Variants in ZNF273 observed in about 807,000 individuals in gnomAD.
ZNF273 encodes the protein zinc finger protein 9.
In ZNF273, 11 loss-of-function variants were observed where a neutral mutation model predicts 14.9. The observed-to-expected ratio is 0.74, with a 90% CI of 0.46 to 1.22. The LOEUF is 1.22. ZNF273 is among the 50% of genes most tolerant of loss of function. The pLI is 0.00. For missense variants in ZNF273, 577 were observed against 660.6 expected, an observed-to-expected ratio of 0.87 and a Z score of 1.39; for synonymous variants, 199 against 223.9, an observed-to-expected ratio of 0.89 and a Z score of 0.99.
intron 2 of ZNF273, among the ~76,000 whole-genome samples, chr7:64,878,745 G>T (rs1292773145): frequency 6.6e-6 from 1 of 152,196 alleles, no homozygotes; most frequent in Non-Finnish European, 1.5e-5. Context: ...CATGGCAGTG[G>T]GATGGATGAC....
At chr7:64,899,678 CT>C (rs1792566050), upstream of ZNF273, among the ~76,000 whole-genome samples, 1 of 150,434 alleles carries the variant, frequency 6.6e-6, no homozygotes, top group Non-Finnish European at 1.5e-5. Flanking sequence ...AAAAATATTT[CT>C]ATTAAGTTGT....
At chr7:64,917,551 A>G in intron 1 of ZNF273, 30 bp from the exon 2 acceptor site, 1 of 1,579,886 alleles carries the variant, frequency 6.3e-7, no homozygotes, top group Non-Finnish European at 8.6e-7. Flanking sequence ...CAAGTTGGTA[A>G]ATATGTTTTT....
downstream of ZNF273, chr7:64,880,326 G>T (rs776420850): frequency 4.6e-5 from 7 of 152,184 alleles, no homozygotes; most frequent in Non-Finnish European, 8.8e-5. Context: ...GAGTGGGGGT[G>T]AGTCTCCTTG....
chr7:64,934,490 T>G (rs1363139613), downstream of ZNF273, among the ~76,000 whole-genome samples: 1 of 152,176 alleles, frequency 6.6e-6, no homozygotes, highest in African/African-American at 2.4e-5. Context: ...TTGAATAGAT[T>G]TTTATATATG....
At chr7:64,905,029 T>C (rs1461597503) in intron 1 of ZNF273, among the ~76,000 whole-genome samples, 1 of 151,644 alleles carries the variant, frequency 6.6e-6, no homozygotes, top group Non-Finnish European at 1.5e-5. Flanking sequence ...TTTTCTCCCA[T>C]AGGACAGTCT....
intron 1 of ZNF273, among the ~76,000 whole-genome samples, chr7:64,910,972 G>A: frequency 6.6e-6 from 1 of 151,612 alleles, no homozygotes; most frequent in East Asian, 2.0e-4. Flanking sequence ...CGTCGTGTTG[G>A]CCAGGTTGGT....
downstream of ZNF273, among the ~76,000 whole-genome samples, chr7:64,935,519 A>ATTAT (rs913445126): frequency 8.6e-5 from 13 of 151,772 alleles, no homozygotes; most frequent in South Asian, 2.1e-4. Flanking sequence ...TTCTCCACCT[A>ATTAT]TTATTTATTT....
chr7:64,903,430 C>T lies in ZNF273; in HGVS notation c.102+11C>T, dbSNP rs1457435346. 1 of 1,606,534 alleles carries T rather than the reference C, an allele frequency of 6.2e-7. No individual in the cohort carries two copies. Among genetic ancestry groups the T allele is most frequent in the Non-Finnish European group, 8.5e-7 (1 of 1,173,542 alleles). On this transcript the variant is annotated intron_variant, in intron 1 of 3. Coordinates refer to ENST00000476120, the MANE Select transcript of ZNF273 (RefSeq NM_021148.3). Reference sequence around the variant, plus strand: ...GGAAGCCTAGAAATGGTGAGAGTGCCGGGTCCCAGATCCCGAGAGAGGGGG... The same window carrying T: ...GGAAGCCTAGAAATGGTGAGAGTGCTGGGTCCCAGATCCCGAGAGAGGGGG...
At chr7:64,883,967 C>T (rs528158851), downstream of ZNF273, among the ~76,000 whole-genome samples, 5 of 152,370 alleles carry the variant, frequency 3.3e-5, no homozygotes, top group East Asian at 7.7e-4. Flanking sequence ...CCTGTTACAT[C>T]CGCCAACAAC....
downstream of ZNF273, among the ~76,000 whole-genome samples, chr7:64,884,500 T>G (rs13223080): frequency 0.42 from 63,328 of 151,942 alleles, 13,431 homozygotes; most frequent in South Asian, 0.45. Context: ...CAGTTCCAGG[T>G]GTGAGACCTC....
chr7:64,937,084 G>A, the ZNF273 span, among the ~76,000 whole-genome samples: 8 of 152,198 alleles, frequency 5.3e-5, no homozygotes, highest in South Asian at 2.1e-4. Context: ...ATTACCTGGC[G>A]CAATAGAAAT....
intron 1 of ZNF273, among the ~76,000 whole-genome samples, chr7:64,912,826 G>GTTTTTTGTTGTTGTTGTTGTTTTTTTT: frequency 1.6e-4 from 6 of 36,576 alleles, no homozygotes; most frequent in East Asian, 1.2e-3. Context: ...ATTCATTTTA[G>GTTTTTTGTTGTTGTTGTTGTTTTTTTT]TTTTTTTTTT....
chr7:64,935,348 G>C (rs1188583070), downstream of ZNF273, among the ~76,000 whole-genome samples: 1 of 152,122 alleles, frequency 6.6e-6, no homozygotes, highest in East Asian at 1.9e-4. Context: ...CTAGCTTTTA[G>C]AGTAAAAGCT....
chr7:64,918,401 G>T (rs192723072), intron 3 of ZNF273, 109 bp downstream of exon 3: 1 of 1,125,462 alleles, frequency 8.9e-7, no homozygotes, highest in African/African-American at 1.7e-5. Context: ...GGTGGCTCAC[G>T]TCTGTAATCC....
intron 1 of ZNF273, chr7:64,888,317 G>C (rs1157950502): frequency 1.0e-6 from 1 of 985,226 alleles, no homozygotes; most frequent in Non-Finnish European, 1.2e-6. Context: ...CCTCGCACAG[G>C]CTGCTCAACA....
At chr7:64,920,550 T>A (rs1794357494) in intron 3 of ZNF273, among the ~76,000 whole-genome samples, 1 of 152,182 alleles carries the variant, frequency 6.6e-6, no homozygotes, top group African/African-American at 2.4e-5. Context: ...TCTCCCAGAC[T>A]GTGGCTGGGA....
At chr7:64,880,976 G>A (rs1369127601), downstream of ZNF273, among the ~76,000 whole-genome samples, 1 of 152,126 alleles carries the variant, frequency 6.6e-6, no homozygotes, top group Non-Finnish European at 1.5e-5. Context: ...AGTTAGGTCA[G>A]ATGGGGTGAG....
At chr7:64,888,747 C>CG (rs1445194922) in exon 2 of ZNF273, 11 of 985,702 alleles carry the variant, frequency 1.1e-5, no homozygotes, top group Non-Finnish European at 1.2e-5. Context: ...CACCCAGCCC[C>CG]GCAGAGCCGG....
chr7:64,878,489 G>A (rs13236784), exon 2 of ZNF273: 68,473 of 152,138 alleles, frequency 0.45, 15,717 homozygotes, highest in Admixed American at 0.51. Context: ...GGAGAGGTCC[G>A]ATACGGGTGA....
Sources: allele counts gnomAD v4.1 joint callset (sites outside exome capture counted in the v4.1 genomes callset), GRCh38; gene constraint gnomAD v4.1.1; transcripts MANE v1.5; gene names NCBI Gene and HGNC (gene_info 2026-07-23, HGNC 2026-07-21).